Variants in KCNIP4 observed in about 807,000 individuals in gnomAD.
The protein encoded by KCNIP4 is Kv channel-interacting protein 4.
Under a neutral mutation model 34.0 loss-of-function variants are expected in KCNIP4, and 12 were observed. The ratio of observed to expected loss-of-function variants is 0.35; its 90% CI spans 0.23 to 0.57. The LOEUF (loss-of-function observed/expected upper bound fraction) is 0.57, where lower values mean the gene tolerates loss of function less well. KCNIP4 is among the 20% of genes least tolerant of loss of function. The pLI, the probability that KCNIP4 is intolerant of heterozygous loss-of-function variation, is 0.83. For synonymous variants in KCNIP4, 124 were observed against 102.2 expected, an observed-to-expected ratio of 1.21 and a Z score of -1.29; for missense variants, 238 against 311.7, an observed-to-expected ratio of 0.76 and a Z score of 1.78.
intron 1 of KCNIP4, among the ~76,000 whole-genome samples, chr4:21,378,796 T>C (rs934609194): frequency 2.0e-5 from 3 of 152,194 alleles, no homozygotes; most frequent in Admixed American, 6.5e-5. Flanking sequence ...TATACTTTTC[T>C]ATTTTTGTTT....
At chr4:21,372,538 T>C (rs1315987246) in intron 1 of KCNIP4, among the ~76,000 whole-genome samples, 1 of 146,998 alleles carries the variant, frequency 6.8e-6, no homozygotes, top group East Asian at 2.0e-4. Flanking sequence ...TTACAGCAGG[T>C]AGGTTTCTAA....
chr4:21,823,556 C>T (rs979120319), intron 1 of KCNIP4, among the ~76,000 whole-genome samples: 1 of 150,398 alleles, frequency 6.6e-6, no homozygotes, highest in Non-Finnish European at 1.5e-5. Context: ...TTATACATCT[C>T]AATACACTGG....
intron 1 of KCNIP4, among the ~76,000 whole-genome samples, chr4:21,428,586 G>T (rs1279356295): frequency 1.3e-5 from 2 of 152,090 alleles, no homozygotes; most frequent in Non-Finnish European, 2.9e-5. Flanking sequence ...CGCAATATTT[G>T]GGCAATTTAC....
At chr4:20,989,864 G>A (rs1186434637) in intron 1 of KCNIP4, among the ~76,000 whole-genome samples, 1 of 152,150 alleles carries the variant, frequency 6.6e-6, no homozygotes, top group Non-Finnish European at 1.5e-5. Flanking sequence ...AGCTACTTGG[G>A]GAGCTGAGGT....
chr4:21,585,325 C>T (rs927277401), intron 1 of KCNIP4, among the ~76,000 whole-genome samples: 1 of 151,988 alleles, frequency 6.6e-6, no homozygotes, highest in Admixed American at 6.6e-5. Flanking sequence ...TCCCCAGATC[C>T]TACTTACTAT....
At chr4:21,297,970 C>A (rs575552424) in intron 1 of KCNIP4, among the ~76,000 whole-genome samples, 1 of 152,096 alleles carries the variant, frequency 6.6e-6, no homozygotes, top group East Asian at 1.9e-4. Context: ...TTTGGATTGG[C>A]GCTACAATAA....
intron 1 of KCNIP4, among the ~76,000 whole-genome samples, chr4:21,494,046 G>A (rs1485164404): frequency 6.6e-6 from 1 of 152,168 alleles, no homozygotes; most frequent in Non-Finnish European, 1.5e-5. Flanking sequence ...ACAATTTTAT[G>A]TGGTAGAGAG....
At chr4:21,091,503 C>T (rs1290375786) in intron 1 of KCNIP4, among the ~76,000 whole-genome samples, 1 of 152,138 alleles carries the variant, frequency 6.6e-6, no homozygotes, top group Non-Finnish European at 1.5e-5. Flanking sequence ...ACTAGTAAAT[C>T]CCTTTACCGA....
At chr4:21,700,186 T>A (rs1311717146) in intron 1 of KCNIP4, among the ~76,000 whole-genome samples, 2 of 152,228 alleles carry the variant, frequency 1.3e-5, no homozygotes. Flanking sequence ...TGTACTATTA[T>A]AATTTACATT....
chr4:21,523,373 C>T (rs1262315161), intron 1 of KCNIP4, among the ~76,000 whole-genome samples: 1 of 152,014 alleles, frequency 6.6e-6, no homozygotes, highest in South Asian at 2.1e-4. Flanking sequence ...TTAGTATGAG[C>T]ATGCACTGTT....
At chr4:21,305,657 C>T (rs1712379983) in intron 1 of KCNIP4, among the ~76,000 whole-genome samples, 1 of 152,204 alleles carries the variant, frequency 6.6e-6, no homozygotes, top group Non-Finnish European at 1.5e-5. Flanking sequence ...CCGGTACCTC[C>T]TTGAGGATTG....
intron 1 of KCNIP4, among the ~76,000 whole-genome samples, chr4:21,078,303 G>T (rs1156822153): frequency 6.6e-6 from 1 of 152,048 alleles, no homozygotes; most frequent in Non-Finnish European, 1.5e-5. Flanking sequence ...AGCTTGGGCT[G>T]CTATAACAAA....
intron 1 of KCNIP4, among the ~76,000 whole-genome samples, chr4:21,447,748 T>C (rs1268785227): frequency 6.6e-6 from 1 of 152,176 alleles, no homozygotes; most frequent in Non-Finnish European, 1.5e-5. Flanking sequence ...AATATCTTAT[T>C]ATGTTGTACT....
chr4:21,911,700 T>A (rs6820764), intron 1 of KCNIP4, among the ~76,000 whole-genome samples: 33,627 of 150,232 alleles, frequency 0.22, 4,674 homozygotes, highest in South Asian at 0.31. Context: ...CTGCCCAGTA[T>A]CATCAGCAAT....
intron 1 of KCNIP4, among the ~76,000 whole-genome samples, chr4:21,533,948 C>A (rs1404791761): frequency 6.6e-6 from 1 of 152,016 alleles, no homozygotes; most frequent in Non-Finnish European, 1.5e-5. Flanking sequence ...ACTGAAAAAG[C>A]CTAAAGCTAC....
At chr4:21,325,592 TTTTCA>T (rs1367349103) in intron 1 of KCNIP4, among the ~76,000 whole-genome samples, 74 of 151,846 alleles carry the variant, frequency 4.9e-4, no homozygotes, top group African/African-American at 1.6e-3. Flanking sequence ...CTTTGTTTTC[TTTTCA>T]TTTATTTCTG....
chr4:20,804,489 C>T (rs1412573249), intron 3 of KCNIP4, among the ~76,000 whole-genome samples: 2 of 152,128 alleles, frequency 1.3e-5, no homozygotes, highest in African/African-American at 4.8e-5. Context: ...CTATATAGCT[C>T]TTTTTCTTCT....
At chr4:20,765,275 T>C (rs151126755) in intron 3 of KCNIP4, among the ~76,000 whole-genome samples, 45 of 152,310 alleles carry the variant, frequency 3.0e-4, no homozygotes, top group African/African-American at 9.6e-4. Flanking sequence ...TTATTACTTT[T>C]TCTTCTATTA....
chr4:20,789,539 G>C (rs1192025377), intron 3 of KCNIP4, among the ~76,000 whole-genome samples: 1 of 151,974 alleles, frequency 6.6e-6, no homozygotes, highest in African/African-American at 2.4e-5. Flanking sequence ...CTATGCCCTT[G>C]GGCAGTCCAC....
Sources: allele counts gnomAD v4.1 joint callset (sites outside exome capture counted in the v4.1 genomes callset), GRCh38; gene constraint gnomAD v4.1.1; transcripts MANE v1.5; gene names NCBI Gene and HGNC (gene_info 2026-07-23, HGNC 2026-07-21).